DUS2: variants seen among roughly 807,000 people sequenced by gnomAD.
The protein encoded by DUS2 is dihydrouridine synthase 2, also known as tRNA-dihydrouridine(20) synthase [NAD(P)+]-like.
A neutral mutation model predicts 71.3 loss-of-function variants in DUS2; 52 were observed. That is an observed-to-expected ratio of 0.73 (90% CI 0.58 to 0.92). The LOEUF (loss-of-function observed/expected upper bound fraction) is 0.92. Among genes scored for constraint, DUS2 ranks in the 40% least tolerant of loss-of-function variants. The pLI, the probability that DUS2 is intolerant of heterozygous loss-of-function variation, is 0.00. For synonymous variants in DUS2, 204 were observed against 227.8 expected (o/e 0.90, Z 0.94); for missense variants, 558 against 622.6 (o/e 0.90, Z 1.10).
At chr16:68,032,345 C>G (rs917121294) in intron 2 of DUS2, among the ~76,000 whole-genome samples, 1 of 152,116 alleles carries the variant, frequency 6.6e-6, no homozygotes, top group African/African-American at 2.4e-5. Context: ...AGAAATCTGG[C>G]AGTGAACTAA....
chr16:68,067,430 C>T (rs1357429623), intron 10 of DUS2, among the ~76,000 whole-genome samples: 2 of 140,132 alleles, frequency 1.4e-5, no homozygotes, highest in South Asian at 2.4e-4. Flanking sequence ...TACAGGTGCG[C>T]TCCACCATGC....
At chr16:68,043,374 C>T (rs972796205) in intron 3 of DUS2, among the ~76,000 whole-genome samples, 1 of 151,720 alleles carries the variant, frequency 6.6e-6, no homozygotes, top group Non-Finnish European at 1.5e-5. Flanking sequence ...CCATTGCACT[C>T]CAGCTCTGGG....
intron 3 of DUS2, among the ~76,000 whole-genome samples, chr16:68,044,765 T>C (rs937588123): frequency 6.6e-6 from 1 of 152,108 alleles, no homozygotes; most frequent in Non-Finnish European, 1.5e-5. Flanking sequence ...ACCTCTTTTT[T>C]TGAATTATTT....
intron 3 of DUS2, among the ~76,000 whole-genome samples, chr16:68,045,743 G>A (rs1157378115): frequency 7.0e-6 from 1 of 143,216 alleles, no homozygotes; most frequent in Admixed American, 7.0e-5. Flanking sequence ...TTTTTGAGAC[G>A]GAGTTTTGCT....
intron 3 of DUS2, among the ~76,000 whole-genome samples, chr16:68,047,035 C>CTGCTGCGTCTGGCCTCTCTCATT: frequency 6.7e-6 from 1 of 149,718 alleles, no homozygotes; most frequent in Non-Finnish European, 1.5e-5. Context: ...CAGGCGTGAG[C>CTGCTGCGTCTGGCCTCTCTCATT]CACCATGCCC....
intron 4 of DUS2, among the ~76,000 whole-genome samples, chr16:68,051,742 A>G (rs2033781606): frequency 2.0e-5 from 3 of 152,294 alleles, no homozygotes; most frequent in African/African-American, 7.2e-5. Flanking sequence ...GATTCACTTA[A>G]CATTGAACCC....
intron 8 of DUS2, among the ~76,000 whole-genome samples, chr16:68,061,898 T>C (rs1191844634): frequency 8.5e-5 from 13 of 152,216 alleles, no homozygotes; most frequent in Non-Finnish European, 1.8e-4. Context: ...TGCATGTTCC[T>C]CCAGCCCCAC....
At chr16:68,078,271 A>T (rs1370888442) in intron 15 of DUS2, 174 bp from the exon 16 acceptor site, 1 of 645,166 alleles carries the variant, frequency 1.5e-6, no homozygotes, top group Non-Finnish European at 2.8e-6. Flanking sequence ...GTCATTGTGT[A>T]TTTGTGCCTT....
intron 3 of DUS2, among the ~76,000 whole-genome samples, chr16:68,045,803 C>T (rs535718414): frequency 1.3e-5 from 2 of 151,404 alleles, no homozygotes; most frequent in African/African-American, 4.8e-5. Context: ...TCTTGGCTCA[C>T]TGCAACGTCT....
At chr16:68,030,503 A>G (rs2033421223) in intron 2 of DUS2, among the ~76,000 whole-genome samples, 1 of 152,042 alleles carries the variant, frequency 6.6e-6, no homozygotes, top group Non-Finnish European at 1.5e-5. Flanking sequence ...AGGCAGGAGA[A>G]TTGCTCGAAC....
In DUS2 at chr16:68,038,869, T is replaced by G. The variant is rs1425804540; in HGVS notation, c.126+720T>G. Among the ~76,000 whole-genome samples, 4 of 151,118 alleles carry G rather than the reference T, an allele frequency of 2.6e-5. No individual in the cohort carries two copies. In the East Asian group the frequency reaches 5.9e-4, roughly 22 times the overall value. On this transcript the variant is annotated intron_variant, in intron 3 of 16. Coordinates refer to ENST00000565263, the MANE Select transcript of DUS2 (RefSeq NM_017803.5). ...TTTGAGACCAGCCTGGGCAATATAG[T>G]GAGACTCTATCTCTTTTTTTAAAAA...
At position 68,023,292 on chromosome 16, in the gene DUS2, G is replaced by A; in HGVS notation, c.-158G>A. ...GGTGGCTGGCGAGGCTCAGTACGGTGTGTGGAGCTGGAGCACCGTGAGGAA... is the reference window on the plus strand; with the variant it reads ...GGTGGCTGGCGAGGCTCAGTACGGTATGTGGAGCTGGAGCACCGTGAGGAA... On this transcript the variant is annotated 5_prime_UTR_variant, in exon 1 of 17. It adds an upstream start codon to the 5' untranslated region. Coordinates refer to ENST00000565263, the MANE Select transcript of DUS2 (RefSeq NM_017803.5). The A allele has an allele frequency of 5.6e-6, 8 of 1,420,002 alleles. No individual in the cohort carries two copies. The highest frequency in any genetic ancestry group is 7.6e-6 in the Non-Finnish European group (8 of 1,053,746). 88.0% of individuals were successfully genotyped at this position (1,420,002 alleles called of 1,614,324 possible).
In DUS2 at chr16:68,038,087, G is replaced by A. The variant is rs775385955; in HGVS notation, c.64G>A (p.Val22Ile). 1.6e-5 allele frequency: 26 copies of A among 1,613,806 alleles called. No individual in the cohort carries two copies. Among genetic ancestry groups the A allele is most frequent in the Admixed American group, 1.0e-4 (6 of 59,934 alleles). Reference sequence around the variant, plus strand: ...GCTAATCCTGGCCCCAATGGTTCGGGTAGGGACTCTTCCAATGAGGCTGCT... The same window carrying A: ...GCTAATCCTGGCCCCAATGGTTCGGATAGGGACTCTTCCAATGAGGCTGCT... ...NKLILAPMVR[V>I]GTLPMRLLAL... The change falls in exon 3 of 17, where the codon GTA becomes ATA. Residue 22 changes from valine to isoleucine, a missense_variant. Val to Ile is a conservative substitution (Grantham distance 29). Transcript: ENST00000565263.
intron 5 of DUS2, 38 bp from the exon 6 acceptor site, chr16:68,054,536 G>T: frequency 6.2e-7 from 1 of 1,613,608 alleles, no homozygotes; most frequent in Non-Finnish European, 8.5e-7. Flanking sequence ...GTGTATCTGT[G>T]TCAGGGCAGT....
At chr16:68,047,870 A>G (rs974917982) in intron 3 of DUS2, among the ~76,000 whole-genome samples, 2 of 149,982 alleles carry the variant, frequency 1.3e-5, no homozygotes, top group South Asian at 2.1e-4. Context: ...AACCTCGAGC[A>G]TCTGGGCTTA....
rs138581961 is a variant in DUS2, at chr16:68,056,037, G to A, written c.309-327G>A. The stretch of plus-strand genomic sequence containing the variant: ...ATGTCACTTTTCTGCATTGACAAAT[G>A]GCTTTTACTATTTCAGCCGAGTTCA... On this transcript the variant is annotated intron_variant, in intron 6 of 16. Coordinates refer to ENST00000565263, the MANE Select transcript of DUS2 (RefSeq NM_017803.5). Among the ~76,000 whole-genome samples, 12 of 152,146 alleles carry A rather than the reference G, an allele frequency of 7.9e-5. No homozygotes were observed. The East Asian group carries it at 2.3e-3, about 30-fold the overall frequency.
chr16:68,069,451 A>G (rs572188240), intron 10 of DUS2, among the ~76,000 whole-genome samples: 36 of 152,322 alleles, frequency 2.4e-4, no homozygotes, highest in Middle Eastern at 3.4e-3. Context: ...GACAAGGGCT[A>G]TCTGGTCGAC....
intron 6 of DUS2, among the ~76,000 whole-genome samples, chr16:68,054,904 G>A (rs1173352243): frequency 1.3e-5 from 2 of 152,134 alleles, no homozygotes; most frequent in Non-Finnish European, 2.9e-5. Flanking sequence ...TTAGCTGGGT[G>A]TGGTGGCGCG....
At chr16:68,038,722 T>A (rs1598302357) in intron 3 of DUS2, among the ~76,000 whole-genome samples, 1 of 131,782 alleles carries the variant, frequency 7.6e-6, no homozygotes. Flanking sequence ...AGAGCAAGAC[T>A]CCATCTCAAA....
Sources: allele counts gnomAD v4.1 joint callset (sites outside exome capture counted in the v4.1 genomes callset), GRCh38; gene constraint gnomAD v4.1.1; transcripts MANE v1.5; gene names NCBI Gene and HGNC (gene_info 2026-07-23, HGNC 2026-07-21).